The following AKAP6 variants were observed in gnomAD, a reference collection of about 807,000 sequenced individuals.
AKAP6 encodes A-kinase anchoring protein 6, also known as A-kinase anchor protein 6.
A neutral mutation model predicts 188.5 loss-of-function variants in AKAP6; 58 were observed. The observed-to-expected ratio is 0.31, with a 90% CI of 0.25 to 0.38. The LOEUF (loss-of-function observed/expected upper bound fraction) is 0.38, where lower values mean the gene tolerates loss of function less well. AKAP6 is among the 10% of genes least tolerant of loss of function. The probability of loss-of-function intolerance (pLI) is 1.00; values close to 1 mark genes in which losing one functional copy is unlikely to be tolerated. For synonymous variants in AKAP6, 989 were observed against 998.6 expected (o/e 0.99, Z 0.18); for missense variants, 2,710 against 2,740.0 (o/e 0.99, Z 0.24).
At chr14:32,760,053 A>T (rs2139941830) in intron 11 of AKAP6, among the ~76,000 whole-genome samples, 1 of 152,362 alleles carries the variant, frequency 6.6e-6, no homozygotes, top group East Asian at 1.9e-4. Context: ...CTATAATGTT[A>T]TTTGGAGTTA....
At chr14:32,801,661 A>AT (rs1449217309) in intron 12 of AKAP6, among the ~76,000 whole-genome samples, 1 of 152,154 alleles carries the variant, frequency 6.6e-6, no homozygotes, top group Non-Finnish European at 1.5e-5. Flanking sequence ...CTAAATAACT[A>AT]TTTTTAATAT....
chr14:32,484,781 A>G lies in AKAP6; in HGVS notation c.325-50773A>G, dbSNP rs1360981122. ...AATGTCTTTGTGGTTTGTAGAGAAC[A>G]ATCAACGGTCGGCGAACATCAGTGG... On this transcript the variant is annotated intron_variant, in intron 2 of 13. Transcript: ENST00000280979. 4 of 216,416 alleles carry G rather than the reference A, an allele frequency of 1.8e-5. 1 individual carries two copies. Among genetic ancestry groups the G allele is most frequent in the Non-Finnish European group, 2.7e-5 (4 of 148,688 alleles). The allele number at this position is 216,416 out of a possible 1,614,324, so 13.4% of individuals were successfully genotyped here.
chr14:32,654,019 T>C (rs1043377039), intron 7 of AKAP6, among the ~76,000 whole-genome samples: 1 of 152,090 alleles, frequency 6.6e-6, no homozygotes, highest in African/African-American at 2.4e-5. Flanking sequence ...TGCGCACAAG[T>C]CTAATTTGAA....
intron 2 of AKAP6, among the ~76,000 whole-genome samples, chr14:32,518,350 T>C (rs114360380): frequency 0.011 from 1,713 of 152,228 alleles, 41 homozygotes; most frequent in African/African-American, 0.039. Flanking sequence ...GGAATGACTT[T>C]GATGAGAGAA....
chr14:32,369,435 G>A (rs1887939947), intron 1 of AKAP6, among the ~76,000 whole-genome samples: 1 of 152,212 alleles, frequency 6.6e-6, no homozygotes, highest in South Asian at 2.1e-4. Flanking sequence ...ATGAAATTTA[G>A]ATAGGTATAC....
At chr14:32,481,345 A>G (rs1879330625) in intron 2 of AKAP6, among the ~76,000 whole-genome samples, 1 of 152,192 alleles carries the variant, frequency 6.6e-6, no homozygotes, top group Non-Finnish European at 1.5e-5. Flanking sequence ...CTTCCAGAGC[A>G]AATACAAATG....
At chr14:32,347,460 A>C (rs1263043284) in intron 1 of AKAP6, among the ~76,000 whole-genome samples, 1 of 152,248 alleles carries the variant, frequency 6.6e-6, no homozygotes, top group Non-Finnish European at 1.5e-5. Flanking sequence ...TGTACATTTC[A>C]GGCATTGCTT....
intron 1 of AKAP6, among the ~76,000 whole-genome samples, chr14:32,343,789 G>T (rs945340185): frequency 8.5e-4 from 118 of 138,542 alleles, no homozygotes; most frequent in Non-Finnish European, 1.5e-3. Context: ...AGGAACAACT[G>T]TATCAACTGT....
At chr14:32,529,759 A>C (rs2139093652) in intron 2 of AKAP6, among the ~76,000 whole-genome samples, 1 of 152,290 alleles carries the variant, frequency 6.6e-6, no homozygotes, top group African/African-American at 2.4e-5. Flanking sequence ...TAGTCAACTG[A>C]AGATTATACT....
At position 32,777,171 on chromosome 14, in the gene AKAP6, G is replaced by A. The variant is rs1213661484; in HGVS notation, c.3588+3278G>A. On this transcript the variant is annotated intron_variant, in intron 12 of 13. Coordinates refer to ENST00000280979, the MANE Select transcript of AKAP6 (RefSeq NM_004274.5). Reference sequence around the variant, plus strand: ...AAAAACTTAAAAGCAAGACCTGAAAGGATCAAACTGTTTCAAAGTAATTTA... The same window carrying A: ...AAAAACTTAAAAGCAAGACCTGAAAAGATCAAACTGTTTCAAAGTAATTTA... Among the ~76,000 whole-genome samples, 4 of 152,256 alleles carry A rather than the reference G, an allele frequency of 2.6e-5. No homozygotes were observed. The East Asian group carries it at 7.7e-4, about 29-fold the overall frequency.
intron 5 of AKAP6, among the ~76,000 whole-genome samples, chr14:32,585,993 G>A (rs530969010): frequency 5.9e-5 from 9 of 152,166 alleles, no homozygotes; most frequent in Admixed American, 2.0e-4. Context: ...TTGAAGGTCC[G>A]GGTTTGTTTT....
chr14:32,519,408 T>C (rs947204313), intron 2 of AKAP6, among the ~76,000 whole-genome samples: 3 of 152,072 alleles, frequency 2.0e-5, no homozygotes, highest in Non-Finnish European at 4.4e-5. Flanking sequence ...GCAAATTGGA[T>C]AAAGTGTCAA....
chr14:32,504,966 T>C (rs1023878771), intron 2 of AKAP6, among the ~76,000 whole-genome samples: 2 of 152,202 alleles, frequency 1.3e-5, no homozygotes, highest in Non-Finnish European at 2.9e-5. Context: ...TGATGGCTTT[T>C]AGAATTCCAG....
chr14:32,600,133 T>G (rs182873690), intron 6 of AKAP6, among the ~76,000 whole-genome samples: 1 of 152,342 alleles, frequency 6.6e-6, no homozygotes, highest in Admixed American at 6.5e-5. Context: ...AGGTTTGAGC[T>G]TAGCACAGCT....
chr14:32,586,761 G>A (rs117920163), intron 5 of AKAP6, among the ~76,000 whole-genome samples: 2,176 of 152,240 alleles, frequency 0.014, 23 homozygotes, highest in Non-Finnish European at 0.019. Context: ...TTACAAATAT[G>A]CCATAATTTA....
At chr14:32,538,651 A>T (rs942165775) in intron 3 of AKAP6, among the ~76,000 whole-genome samples, 1 of 152,182 alleles carries the variant, frequency 6.6e-6, no homozygotes, top group African/African-American at 2.4e-5. Context: ...AAAACTATTT[A>T]AAAAATATGT....
chr14:32,800,153 CATATATATACACATATATATACAT>C (rs1221246195), intron 12 of AKAP6, among the ~76,000 whole-genome samples: 1,402 of 117,646 alleles, frequency 0.012, 19 homozygotes, highest in African/African-American at 0.042. Context: ...CACATATATA[CATATATATACACATATATATACAT>C]ATATATATAC....
chr14:32,520,380 A>G (rs1445117167), intron 2 of AKAP6, among the ~76,000 whole-genome samples: 2 of 152,148 alleles, frequency 1.3e-5, no homozygotes, highest in Non-Finnish European at 2.9e-5. Context: ...GACACAAAAA[A>G]CCCTTCAAAA....
At chr14:32,647,006 GAA>G (rs1015660325) in intron 7 of AKAP6, among the ~76,000 whole-genome samples, 5 of 152,072 alleles carry the variant, frequency 3.3e-5, no homozygotes, top group African/African-American at 4.8e-5. Context: ...TTGATATCTT[GAA>G]AGTATTTCCA....
Sources: allele counts gnomAD v4.1 joint callset (sites outside exome capture counted in the v4.1 genomes callset), GRCh38; gene constraint gnomAD v4.1.1; transcripts MANE v1.5; gene names NCBI Gene and HGNC (gene_info 2026-07-23, HGNC 2026-07-21).